EIF4G3: variants seen among roughly 807,000 people sequenced by gnomAD.
EIF4G3 encodes the protein eukaryotic translation initiation factor 4 gamma 3.
A neutral mutation model predicts 186.4 loss-of-function variants in EIF4G3; 34 were observed. The observed-to-expected ratio is 0.18, with a 90% CI of 0.14 to 0.24. The LOEUF is 0.24. EIF4G3 is among the 10% of genes least tolerant of loss of function. EIF4G3 has a pLI of 1.00. For synonymous variants in EIF4G3, 673 were observed against 679.5 expected (o/e 0.99, Z 0.15); for missense variants, 1,536 against 1,948.5 (o/e 0.79, Z 3.99).
intron 4 of EIF4G3, among the ~76,000 whole-genome samples, chr1:21,029,962 C>A (rs1002327035): frequency 4.6e-5 from 7 of 152,124 alleles, no homozygotes; most frequent in Admixed American, 2.6e-4. Context: ...CTCAGGGGAT[C>A]CTCCTACCTC....
At chr1:21,040,378 A>AG (rs1235966860) in intron 4 of EIF4G3, among the ~76,000 whole-genome samples, 1 of 152,228 alleles carries the variant, frequency 6.6e-6, no homozygotes, top group Non-Finnish European at 1.5e-5. Context: ...ACCTTACCAT[A>AG]GGCATCTCTT....
intron 4 of EIF4G3, among the ~76,000 whole-genome samples, chr1:21,018,971 T>C (rs752537733): frequency 6.6e-6 from 1 of 152,060 alleles, no homozygotes; most frequent in Non-Finnish European, 1.5e-5. Context: ...TATTCCTTTA[T>C]AGCAAATGAT....
Position 20,974,013 on chromosome 1 carries a change from T to A in EIF4G3, c.494-914A>T, listed in dbSNP as rs2076366971. Among the ~76,000 whole-genome samples the A allele has an allele frequency of 3.3e-5, 5 of 152,174 alleles. No individual in the cohort carries two copies. The South Asian group carries it at 1.0e-3, about 32-fold the overall frequency. On this transcript the variant is annotated intron_variant, in intron 10 of 36. Transcript: ENST00000602326. ...GAAAGAAGACTCAAGGAAAACTCTT[T>A]CAGTTTTATGCCTGAGCAAGTGAAA...
chr1:20,836,278 C>A, intron 30 of EIF4G3, among the ~76,000 whole-genome samples: 1 of 152,138 alleles, frequency 6.6e-6, no homozygotes, highest in Non-Finnish European at 1.5e-5. Flanking sequence ...GGATCTCACT[C>A]TGTTGCCCAG....
intron 2 of EIF4G3, among the ~76,000 whole-genome samples, chr1:21,098,639 G>A (rs1269509122): frequency 6.6e-6 from 1 of 151,582 alleles, no homozygotes; most frequent in Non-Finnish European, 1.5e-5. Context: ...TTTCAAATGG[G>A]CAAAAGTTTG....
chr1:21,137,125 T>G (rs972837590), intron 2 of EIF4G3, among the ~76,000 whole-genome samples: 1 of 148,660 alleles, frequency 6.7e-6, no homozygotes, highest in Non-Finnish European at 1.5e-5. Flanking sequence ...TGATATTACT[T>G]TGCTTTTGTT....
At chr1:20,946,114 G>A (rs2095937368) in intron 13 of EIF4G3, among the ~76,000 whole-genome samples, 1 of 152,178 alleles carries the variant, frequency 6.6e-6, no homozygotes, top group African/African-American at 2.4e-5. Flanking sequence ...TAAGCAGAGA[G>A]AGGAATGCTG....
At chr1:21,153,847 G>A (rs2097588923) in intron 2 of EIF4G3, among the ~76,000 whole-genome samples, 2 of 144,714 alleles carry the variant, frequency 1.4e-5, no homozygotes, top group Non-Finnish European at 3.1e-5. Flanking sequence ...TTATAGGCGT[G>A]AGCCACCGAG....
intron 6 of EIF4G3, among the ~76,000 whole-genome samples, chr1:21,000,318 A>C (rs1416192956): frequency 6.6e-6 from 1 of 152,174 alleles, no homozygotes; most frequent in Admixed American, 6.5e-5. Context: ...AGGCCACTTG[A>C]AGCCAGTTGG....
intron 18 of EIF4G3, 69 bp downstream of exon 18, chr1:20,893,448 C>A: frequency 6.8e-7 from 1 of 1,469,638 alleles, no homozygotes; most frequent in South Asian, 1.4e-5. Flanking sequence ...GCTGTCTTGC[C>A]ATGAGGTAGG....
intron 4 of EIF4G3, among the ~76,000 whole-genome samples, chr1:21,014,003 C>A (rs958138614): frequency 3.3e-5 from 5 of 152,164 alleles, no homozygotes; most frequent in African/African-American, 1.2e-4. Context: ...AACTCCGTCT[C>A]TACTACAAAT....
intron 4 of EIF4G3, among the ~76,000 whole-genome samples, chr1:21,013,956 G>T (rs900089981): frequency 6.6e-6 from 1 of 152,214 alleles, no homozygotes; most frequent in Non-Finnish European, 1.5e-5. Context: ...GATCACCTGA[G>T]ATCAGGAGTT....
At chr1:20,876,457 A>AC (rs2080881598) in intron 20 of EIF4G3, among the ~76,000 whole-genome samples, 1 of 150,956 alleles carries the variant, frequency 6.6e-6, no homozygotes, top group African/African-American at 2.4e-5. Context: ...AAAAAAAAAA[A>AC]AAACAAACTG....
At chr1:20,941,101 A>G (rs2095693760) in intron 14 of EIF4G3, 1 of 934,828 alleles carries the variant, frequency 1.1e-6, no homozygotes, top group African/African-American at 1.7e-5. Flanking sequence ...ACTGGGTTTT[A>G]AAATTCTAGG....
At chr1:21,119,727 C>T (rs2096893997) in intron 2 of EIF4G3, among the ~76,000 whole-genome samples, 1 of 151,976 alleles carries the variant, frequency 6.6e-6, no homozygotes, top group Admixed American at 6.6e-5. Context: ...TAAAGAAAAA[C>T]ATTTATATAG....
chr1:20,985,688 G>A (rs568661139), intron 7 of EIF4G3, among the ~76,000 whole-genome samples: 14 of 152,224 alleles, frequency 9.2e-5, no homozygotes, highest in Non-Finnish European at 1.8e-4. Context: ...CAAACTGCTT[G>A]CAATCCTTCA....
At chr1:21,062,532 A>AAG (rs2094973196) in intron 3 of EIF4G3, among the ~76,000 whole-genome samples, 1 of 152,230 alleles carries the variant, frequency 6.6e-6, no homozygotes, top group African/African-American at 2.4e-5. Context: ...TGGATCTAGC[A>AAG]CCACGGAGAA....
At chr1:21,018,640 T>A (rs2089903850) in intron 4 of EIF4G3, among the ~76,000 whole-genome samples, 2 of 152,006 alleles carry the variant, frequency 1.3e-5, no homozygotes, top group South Asian at 4.1e-4. Context: ...TGACCCCCAA[T>A]GTTGGAGCTG....
intron 3 of EIF4G3, among the ~76,000 whole-genome samples, chr1:21,078,656 A>G (rs1289225986): frequency 6.6e-6 from 1 of 152,260 alleles, no homozygotes; most frequent in Non-Finnish European, 1.5e-5. Flanking sequence ...CTAATTACCC[A>G]GATTTGACCA....
Sources: allele counts gnomAD v4.1 joint callset (sites outside exome capture counted in the v4.1 genomes callset), GRCh38; gene constraint gnomAD v4.1.1; transcripts MANE v1.5; gene names NCBI Gene and HGNC (gene_info 2026-07-23, HGNC 2026-07-21).